Variants in SACS observed in about 807,000 individuals in gnomAD.
SACS encodes the protein sacsin.
A neutral mutation model predicts 348.0 loss-of-function variants in SACS; 197 were observed. The ratio of observed to expected loss-of-function variants is 0.57; its 90% CI spans 0.50 to 0.64. SACS has a LOEUF of 0.64. Ranked by LOEUF, SACS falls within the 30% of genes least tolerant of loss-of-function variation. The probability of loss-of-function intolerance (pLI) is 0.00; values close to 1 mark genes in which losing one functional copy is unlikely to be tolerated. For synonymous variants in SACS, 1,985 were observed against 1,910.6 expected (o/e 1.04, Z -1.02); for missense variants, 4,999 against 5,360.8 (o/e 0.93, Z 2.11).
In SACS at chr13:23,338,593, C is replaced by G. The variant is rs1432581348; in HGVS notation, c.5283G>C (p.Gln1761His). 6.2e-7 allele frequency: 1 copy of G among 1,614,108 alleles called. No individual in the cohort carries two copies. Among genetic ancestry groups the G allele is most frequent in the South Asian group, 1.1e-5 (1 of 91,074 alleles). Residue 1761 changes from glutamine to histidine, a missense_variant, in exon 10 of 10, where the codon CAG (glutamine) becomes CAC (histidine). This residue lies in a region of SACS where 3,156 missense variants were observed against 3,380.1 expected (regional missense o/e 0.93). Transcript: ENST00000382292. ...CATGGTGAAATTCTTCCACTGTGAT[C>G]TGAAGAATGCAAGATGACTTTGGTT... Reference protein sequence around the residue: ...SDEPKSSCILQITVEEFHHVF... With the variant: ...SDEPKSSCILHITVEEFHHVF...
At chr13:23,388,520 C>A (rs929594194) in intron 2 of SACS, among the ~76,000 whole-genome samples, 26 of 140,394 alleles carry the variant, frequency 1.9e-4, no homozygotes, top group Non-Finnish European at 3.7e-4. Context: ...CACACACATA[C>A]CACAGGCTAC....
At chr13:23,416,057 G>A (rs1262617010) in intron 1 of SACS, among the ~76,000 whole-genome samples, 1 of 151,840 alleles carries the variant, frequency 6.6e-6, no homozygotes, top group Non-Finnish European at 1.5e-5. Context: ...AGGCTGTTAG[G>A]TCACCTGAGG....
intron 2 of SACS, among the ~76,000 whole-genome samples, chr13:23,378,441 G>A (rs1024258628): frequency 5.9e-5 from 9 of 151,928 alleles, no homozygotes; most frequent in African/African-American, 2.2e-4. Flanking sequence ...CTCTTACGTC[G>A]ATCACCACCT....
chr13:23,394,262 T>C (rs562669137), intron 2 of SACS, among the ~76,000 whole-genome samples: 2 of 152,202 alleles, frequency 1.3e-5, no homozygotes, highest in Non-Finnish European at 2.9e-5. Context: ...TATTCAGTTG[T>C]AGCAAGAATG....
intron 6 of SACS, among the ~76,000 whole-genome samples, chr13:23,363,480 C>T (rs1183820707): frequency 6.6e-6 from 1 of 152,098 alleles, no homozygotes; most frequent in Admixed American, 6.5e-5. Context: ...GCCCACTTGG[C>T]CTCCCAAAGT....
chr13:23,418,231 G>A (rs1873764047), intron 1 of SACS, among the ~76,000 whole-genome samples: 2 of 152,018 alleles, frequency 1.3e-5, no homozygotes, highest in East Asian at 3.9e-4. Context: ...TAAGAGAAAA[G>A]CAGAAATTGG....
intron 6 of SACS, among the ~76,000 whole-genome samples, chr13:23,359,838 AC>A (rs1166398699): frequency 3.3e-5 from 5 of 152,084 alleles, no homozygotes; most frequent in African/African-American, 1.2e-4. Flanking sequence ...CACTCCCAGC[AC>A]CCCCAGAAGC....
chr13:23,396,320 T>G (rs1872710027), intron 2 of SACS, among the ~76,000 whole-genome samples: 1 of 122,800 alleles, frequency 8.1e-6, no homozygotes, highest in African/African-American at 3.4e-5. Context: ...CCAGAATCTG[T>G]CTCAAAAAAA....
At chr13:23,380,458 A>G (rs1488775153) in intron 2 of SACS, among the ~76,000 whole-genome samples, 2 of 152,178 alleles carry the variant, frequency 1.3e-5, no homozygotes, top group Admixed American at 6.5e-5. Flanking sequence ...TGTCTCTGAA[A>G]TAATAGCCAC....
intron 2 of SACS, among the ~76,000 whole-genome samples, chr13:23,404,072 T>C (rs1873101063): frequency 6.6e-6 from 1 of 152,240 alleles, no homozygotes; most frequent in South Asian, 2.1e-4. Context: ...AGTTTCTTAA[T>C]CCTAAATTCT....
At position 23,333,951 on chromosome 13, in the gene SACS, T is replaced by C. The variant is rs1424633917; in HGVS notation, c.9925A>G (p.Ile3309Val). 2.5e-6 allele frequency: 4 copies of C among 1,613,786 alleles called. No homozygotes were observed. The highest frequency in any genetic ancestry group is 1.3e-5 in the African/African-American group (1 of 74,916). ...DVLLPLSLMH[I>V]AVFPNAQSDK... ...CTCTGGGCATTTGGAAAAACTGCAATGTGCATAAGGCTGAGAGGAAGCAGA... is the reference window on the plus strand; with the variant it reads ...CTCTGGGCATTTGGAAAAACTGCAACGTGCATAAGGCTGAGAGGAAGCAGA... The change falls in exon 10 of 10, where the codon ATT becomes GTT. Residue 3309 changes from isoleucine to valine, a missense_variant. Physicochemically the swap from Ile to Val is conservative, Grantham distance 29. This residue lies in a region of SACS where 734 missense variants were observed against 694.0 expected (regional missense o/e 1.06). Coordinates refer to ENST00000382292, the MANE Select transcript of SACS (RefSeq NM_014363.6).
intron 2 of SACS, among the ~76,000 whole-genome samples, chr13:23,400,934 T>C (rs1358804037): frequency 6.6e-6 from 1 of 152,060 alleles, no homozygotes; most frequent in African/African-American, 2.4e-5. Context: ...AATAGAGTGG[T>C]GTTAAAAATT....
At chr13:23,430,321 T>C (rs1874384624) in intron 1 of SACS, among the ~76,000 whole-genome samples, 1 of 152,224 alleles carries the variant, frequency 6.6e-6, no homozygotes, top group Non-Finnish European at 1.5e-5. Context: ...CAAACTAATA[T>C]CCTTAAGCTC....
chr13:23,383,586 G>T (rs910322555), intron 2 of SACS, among the ~76,000 whole-genome samples: 49 of 152,086 alleles, frequency 3.2e-4, no homozygotes, highest in Admixed American at 1.1e-3. Flanking sequence ...AGCCCATTCT[G>T]TTTCCTCCTG....
intron 9 of SACS, chr13:23,346,748 T>G: frequency 1.2e-6 from 1 of 834,370 alleles, no homozygotes; most frequent in Non-Finnish European, 1.4e-6. Context: ...AAAAACAGAA[T>G]TCGAAGAGCC....
intron 2 of SACS, among the ~76,000 whole-genome samples, chr13:23,390,888 C>T (rs1184569535): frequency 6.6e-6 from 1 of 152,188 alleles, no homozygotes; most frequent in Non-Finnish European, 1.5e-5. Flanking sequence ...ACACTGAGCT[C>T]GCTCTGGTGC....
In SACS at chr13:23,330,852, G is replaced by A. The variant is rs755213990; in HGVS notation, c.13024C>T (p.Pro4342Ser). ...TCATTGGCAATGTCATGGTTCTCTGGATTTTTGTCAGGATGCCATTTCAAA... is the reference window on the plus strand; with the variant it reads ...TCATTGGCAATGTCATGGTTCTCTGAATTTTTGTCAGGATGCCATTTCAAA... ...LYLKWHPDKN[P>S]ENHDIANEVF... The change falls in exon 10 of 10, where the codon CCA (proline) becomes TCA (serine). Residue 4342 changes from proline (P) to serine (S), a missense_variant. Around this residue, in one of 6 missense-constraint regions of SACS, gnomAD observed 254 missense variants for 275.1 expected, o/e 0.92. Coordinates refer to ENST00000382292, the MANE Select transcript of SACS (RefSeq NM_014363.6). The A allele has an allele frequency of 3.7e-6, 6 of 1,613,994 alleles. No homozygotes were observed. In the South Asian group the frequency reaches 5.5e-5, roughly 15 times the overall value.
At chr13:23,359,608 C>G (rs191518785) in intron 6 of SACS, among the ~76,000 whole-genome samples, 1 of 152,198 alleles carries the variant, frequency 6.6e-6, no homozygotes, top group African/African-American at 2.4e-5. Context: ...TTTTGGAACT[C>G]CATTTTGTGA....
chr13:23,340,972 G>A lies in SACS; in HGVS notation c.2904C>T (p.Asp968=), dbSNP rs149585868. The A allele has an allele frequency of 2.1e-5, 34 of 1,613,922 alleles. No individual in the cohort carries two copies. Among genetic ancestry groups the A allele is most frequent in the Non-Finnish European group, 2.7e-5 (32 of 1,179,858 alleles). The change falls in exon 10 of 10, where the codon GAC becomes GAT. Residue 968 remains aspartate (D), a synonymous_variant. Coordinates refer to ENST00000382292, the MANE Select transcript of SACS (RefSeq NM_014363.6). The part of the protein sequence containing the change: ...ADLRLSISVI[D]SSDEATIRLA... ...GACGAATAGTAGCTTCATCACTACT[G>A]TCTATTACTGAAATAGAAAGTCGCA... is the stretch of plus-strand genomic sequence containing the variant.
Sources: gnomAD v4.1 joint callset for allele counts (sites outside exome capture counted in the v4.1 genomes callset) on GRCh38, gnomAD v4.1.1 for gene constraint, gnomAD v4.1.1 regional missense constraint, MANE v1.5 for transcripts, NCBI Gene and HGNC (gene_info 2026-07-23, HGNC 2026-07-21) for gene names.